The following MINK1 variants were observed in gnomAD, a reference collection of about 807,000 sequenced individuals.
MINK1 encodes misshapen-like kinase 1.
MINK1 carries 46 observed loss-of-function variants against 178.4 expected under a neutral mutation model. That is an observed-to-expected ratio of 0.26 (90% CI 0.20 to 0.33). The LOEUF (loss-of-function observed/expected upper bound fraction) is 0.33, where lower values mean the gene tolerates loss of function less well. MINK1 is among the 10% of genes least tolerant of loss of function. MINK1 has a pLI of 1.00. For synonymous variants in MINK1, 797 were observed against 709.7 expected (o/e 1.12, Z -1.96); for missense variants, 1,366 against 1,814.9 (o/e 0.75, Z 4.49).
Position 4,895,414 on chromosome 17 carries a change from G to A in MINK1, c.3150G>A (p.Lys1050=). ...TGCTGGACCGAAGTGGGCAGGGCAA[G>A]GTGTATGGACTCATTGGGCGGCGAC... is the stretch of plus-strand genomic sequence containing the variant. ...LMLLDRSGQG[K]VYGLIGRRRF... The change falls in exon 26 of 32, where the codon AAG becomes AAA. Residue 1050 remains lysine (K), a synonymous_variant. Coordinates refer to ENST00000355280, the MANE Select transcript of MINK1 (RefSeq NM_153827.5). The surrounding 1 kb of genome is among the most constrained non-coding windows in gnomAD (Gnocchi z 4.3). The A allele has an allele frequency of 1.2e-6, 2 of 1,611,216 alleles. No individual in the cohort carries two copies. Among genetic ancestry groups the A allele is most frequent in the South Asian group, 2.2e-5 (2 of 90,724 alleles).
At chr17:4,871,651 G>A (rs568536345) in intron 1 of MINK1, among the ~76,000 whole-genome samples, 2 of 152,200 alleles carry the variant, frequency 1.3e-5, no homozygotes, top group South Asian at 2.1e-4. Context: ...ACATATTTTT[G>A]TGTGGATATA....
intron 15 of MINK1, 73 bp downstream of exon 15, chr17:4,891,197 C>CAT: frequency 5.2e-6 from 6 of 1,157,944 alleles, no homozygotes; most frequent in South Asian, 3.4e-5. Context: ...CACACACACG[C>CAT]GCGCACACAC....
intron 1 of MINK1, among the ~76,000 whole-genome samples, chr17:4,876,199 AC>A (rs1480859883): frequency 6.6e-6 from 1 of 151,850 alleles, no homozygotes; most frequent in Middle Eastern, 3.4e-3. Context: ...CAGAGAAGGA[AC>A]CCCCTTCAGC....
intron 1 of MINK1, among the ~76,000 whole-genome samples, chr17:4,870,213 ATTTTTTT>A (rs758815938): frequency 6.5e-5 from 8 of 123,612 alleles, no homozygotes; most frequent in African/African-American, 1.9e-4. Flanking sequence ...CGCCCGGCCA[ATTTTTTT>A]TTTTTTTTTT....
intron 1 of MINK1, among the ~76,000 whole-genome samples, chr17:4,877,900 T>A (rs184182463): frequency 1.4e-3 from 212 of 147,346 alleles, no homozygotes; most frequent in African/African-American, 5.1e-3. Flanking sequence ...AAGCTCTGCC[T>A]CCCAGGTTCA....
At chr17:4,892,537 C>T (rs1968960155) in intron 18 of MINK1, 25 bp downstream of exon 18, 2 of 1,530,308 alleles carry the variant, frequency 1.3e-6, no homozygotes, top group Admixed American at 1.8e-5. Context: ...CCCCAACTCA[C>T]TCTCACCTCT....
chr17:4,878,522 T>G, intron 2 of MINK1, 140 bp downstream of exon 2: 3 of 742,926 alleles, frequency 4.0e-6, no homozygotes, highest in Non-Finnish European at 6.5e-6. Flanking sequence ...AAAGGTAGAG[T>G]GGGGGAGAGG....
At chr17:4,844,990 T>C (rs1910802971) in intron 1 of MINK1, among the ~76,000 whole-genome samples, 1 of 152,230 alleles carries the variant, frequency 6.6e-6, no homozygotes, top group Admixed American at 6.5e-5. Context: ...AATGAAGCTC[T>C]GTACCCATTA....
rs371058652 is a variant in MINK1 at position 4,887,474 on chromosome 17, G to C, written c.1020-106G>C. 7.2e-5 allele frequency: 80 copies of C among 1,105,980 alleles called. 1 individual carries two copies. The highest frequency in any genetic ancestry group is 7.1e-4 in the East Asian group (27 of 38,144). 68.5% of individuals were successfully genotyped at this position (1,105,980 alleles called of 1,614,324 possible). On this transcript the variant is annotated intron_variant, in intron 11 of 31. Transcript: ENST00000355280. This position sits in a 1 kb window ranked among gnomAD's most constrained non-coding sequence, Gnocchi z 7.6. ...GGCCACCTGGGAGTGGCCAGAGGCA[G>C]AGGCTTTGATCCAGTTAAAGCACCC...
At chr17:4,881,296 T>C in intron 4 of MINK1, 39 bp downstream of exon 4, 1 of 1,531,510 alleles carries the variant, frequency 6.5e-7, no homozygotes. Flanking sequence ...CTCCCCGCAA[T>C]CCCTGTCTCC....
At position 4,896,082 on chromosome 17, in the gene MINK1, C is replaced by T. The variant is rs2151076743; in HGVS notation, c.3444C>T (p.Tyr1148=). 2 of 1,608,100 alleles carry T rather than the reference C, an allele frequency of 1.2e-6. No homozygotes were observed. The highest frequency in any genetic ancestry group is 1.7e-6 in the Non-Finnish European group (2 of 1,177,288). ...VEVYAWAPKP[Y]HKFMAFKSFA... ...TGTATGCCTGGGCCCCCAAACCCTACCACAAATTCATGGCCTTCAAGGTAA... is the reference window on the plus strand; with the variant it reads ...TGTATGCCTGGGCCCCCAAACCCTATCACAAATTCATGGCCTTCAAGGTAA... Residue 1148 remains tyrosine (Y), a synonymous_variant, in exon 28 of 32, where the codon TAC becomes TAT. Coordinates refer to ENST00000355280, the MANE Select transcript of MINK1 (RefSeq NM_153827.5). This position sits in a 1 kb window ranked among gnomAD's most constrained non-coding sequence, Gnocchi z 4.6.
chr17:4,878,046 G>GT (rs987985384), intron 1 of MINK1, among the ~76,000 whole-genome samples: 77 of 152,112 alleles, frequency 5.1e-4, no homozygotes, highest in African/African-American at 1.6e-3. Flanking sequence ...TCCTGACCTC[G>GT]TGATCCACCT....
chr17:4,842,269 A>G (rs1335385384), intron 1 of MINK1, among the ~76,000 whole-genome samples: 1 of 150,898 alleles, frequency 6.6e-6, no homozygotes, highest in East Asian at 1.9e-4. Flanking sequence ...CATTTAGCAC[A>G]TGGGGATTGG....
chr17:4,878,462 T>C, intron 2 of MINK1, 80 bp downstream of exon 2: 1 of 1,291,552 alleles, frequency 7.7e-7, no homozygotes, highest in South Asian at 1.3e-5. Context: ...AGATTCCTGG[T>C]CTGCAGGTCT....
At position 4,897,295 on chromosome 17, in the gene MINK1, C is replaced by G. The variant is rs1969647375; in HGVS notation, c.*8C>G. ...TGCATCATGAACTGGTGACGGGGCC[C>G]TGGGCTGGGGCTGTCCCACACTGGA... On this transcript the variant is annotated 3_prime_UTR_variant, in exon 32 of 32. Transcript: ENST00000355280. 1 of 1,613,272 alleles carries G rather than the reference C, an allele frequency of 6.2e-7. No homozygotes were observed. The highest frequency in any genetic ancestry group is 2.2e-5 in the East Asian group (1 of 44,856).
At position 4,895,979 on chromosome 17, in the gene MINK1, A is replaced by C; in HGVS notation, c.3365-24A>C. The C allele has an allele frequency of 6.3e-7, 1 of 1,577,858 alleles. No homozygotes were observed. The highest frequency in any genetic ancestry group is 8.6e-7 in the Non-Finnish European group (1 of 1,161,768). ...GTGGCGCAAGAAGGGAAGTCTCAGC[A>C]TCCCTCTTCTCTCCCGCCCCCAGTG... On this transcript the variant is annotated intron_variant, in intron 27 of 31. Transcript: ENST00000355280. The surrounding 1 kb of genome is among the most constrained non-coding windows in gnomAD (Gnocchi z 4.3).
chr17:4,892,645 C>A lies in MINK1; in HGVS notation c.2199-11C>A, dbSNP rs757701145. 8.2e-6 allele frequency: 13 copies of A among 1,591,180 alleles called. No homozygotes were observed. The highest frequency in any genetic ancestry group is 1.7e-5 in the Admixed American group (1 of 58,094). On this transcript the variant is annotated splice_polypyrimidine_tract_variant and intron_variant, in intron 18 of 31. Coordinates refer to ENST00000355280, the MANE Select transcript of MINK1 (RefSeq NM_153827.5). ...CGTGCCTCCCTGACCCTGACTCTGC[C>A]CCCCCAACAGTAACCCCGACCTCAG...
chr17:4,843,544 C>T (rs1217672177), intron 1 of MINK1, among the ~76,000 whole-genome samples: 2 of 151,820 alleles, frequency 1.3e-5, no homozygotes, highest in African/African-American at 4.8e-5. Context: ...AGTCCTTTTT[C>T]TGTCTGTCTT....
At chr17:4,881,958 A>G (rs766389073) in intron 4 of MINK1, among the ~76,000 whole-genome samples, 15 of 152,270 alleles carry the variant, frequency 9.9e-5, no homozygotes, top group Non-Finnish European at 1.5e-4. Flanking sequence ...CTCCCCTCCC[A>G]ACAGCCATTC....
Sources: allele counts gnomAD v4.1 joint callset (sites outside exome capture counted in the v4.1 genomes callset), GRCh38; gene constraint gnomAD v4.1.1; non-coding constraint Gnocchi (gnomAD v3.1); transcripts MANE v1.5; gene names NCBI Gene and HGNC (gene_info 2026-07-23, HGNC 2026-07-21).